Variants in DDX21 observed in about 807,000 individuals in gnomAD.
DDX21 encodes DExD-box helicase 21, also known as nucleolar RNA helicase 2.
DDX21 carries 18 observed loss-of-function variants against 90.0 expected under a neutral mutation model. That is an observed-to-expected ratio of 0.20 (90% CI 0.14 to 0.30). DDX21 has a LOEUF of 0.30. DDX21 is among the 10% of genes least tolerant of loss of function. The pLI is 1.00. For missense variants in DDX21, 673 were observed against 944.5 expected, an observed-to-expected ratio of 0.71 and a Z score of 3.77; for synonymous variants, 294 against 318.0, an observed-to-expected ratio of 0.92 and a Z score of 0.80.
chr10:68,963,140 C>T (rs116022002), intron 3 of DDX21, 151 bp from the exon 4 acceptor site: 8 of 732,412 alleles, frequency 1.1e-5, no homozygotes, highest in Middle Eastern at 3.1e-4. Flanking sequence ...AAAAAATATA[C>T]GTATTTGAGC....
At chr10:68,965,541 G>C in intron 5 of DDX21, 47 bp downstream of exon 5, 1 of 1,350,976 alleles carries the variant, frequency 7.4e-7, no homozygotes, top group Non-Finnish European at 1.1e-6. Context: ...ACCCATTGTT[G>C]ACTGCTCTGA....
intron 7 of DDX21, 147 bp from the exon 8 acceptor site, chr10:68,970,054 G>A: frequency 1.6e-6 from 1 of 641,890 alleles, no homozygotes; most frequent in Non-Finnish European, 2.4e-6. Flanking sequence ...GTCAGTGGTG[G>A]CTGCAGACAG....
chr10:68,977,387 A>G (rs189173131), intron 11 of DDX21, 142 bp from the exon 12 acceptor site: 5 of 674,502 alleles, frequency 7.4e-6, no homozygotes, highest in Non-Finnish European at 1.2e-5. Flanking sequence ...CTATAGAAAT[A>G]TGATTATTAT....
chr10:68,970,785 T>A (rs1843013853), intron 8 of DDX21, among the ~76,000 whole-genome samples: 1 of 152,102 alleles, frequency 6.6e-6, no homozygotes, highest in African/African-American at 2.4e-5. Flanking sequence ...CCCAAGTAGC[T>A]GCGATTACAG....
At chr10:68,962,710 TTA>T (rs1260084682) in intron 3 of DDX21, among the ~76,000 whole-genome samples, 5 of 152,234 alleles carry the variant, frequency 3.3e-5, no homozygotes, top group African/African-American at 1.2e-4. Flanking sequence ...TATTAATGTT[TTA>T]TCTCTTTCAC....
intron 4 of DDX21, among the ~76,000 whole-genome samples, chr10:68,964,578 T>TCA (rs998533165): frequency 2.6e-5 from 4 of 151,558 alleles, no homozygotes; most frequent in African/African-American, 9.7e-5. Flanking sequence ...GCCAGGCTGG[T>TCA]CTGGAACTCC....
chr10:68,971,783 C>A, intron 8 of DDX21, 108 bp from the exon 9 acceptor site: 1 of 1,066,166 alleles, frequency 9.4e-7, no homozygotes, highest in Non-Finnish European at 1.4e-6. Flanking sequence ...ATGTTTTCAA[C>A]AGGCATGTCA....
intron 11 of DDX21, 83 bp downstream of exon 11, chr10:68,974,826 A>C: frequency 8.2e-7 from 1 of 1,225,580 alleles, no homozygotes. Context: ...GATTTGACTT[A>C]AAAAAATTTT....
At chr10:68,962,352 A>G (rs1350892584) in intron 3 of DDX21, among the ~76,000 whole-genome samples, 195 bp downstream of exon 3, 4 of 152,234 alleles carry the variant, frequency 2.6e-5, no homozygotes, top group Non-Finnish European at 1.5e-5. Flanking sequence ...ACAAGTGGTT[A>G]AAGCTTTTTC....
chr10:68,968,401 C>G (rs1042137408), intron 6 of DDX21, among the ~76,000 whole-genome samples: 3 of 152,216 alleles, frequency 2.0e-5, no homozygotes, highest in Non-Finnish European at 2.9e-5. Context: ...GATCCTCCTG[C>G]CTCCACCTCT....
chr10:68,978,962 C>T lies in DDX21; in HGVS notation c.2023C>T (p.Leu675Phe). The change falls in exon 13 of 15, where the codon CTC (leucine) becomes TTC (phenylalanine). Residue 675 changes from leucine (L) to phenylalanine (F), a missense_variant. By Grantham distance (22) the Leu-to-Phe change is conservative (BLOSUM62 0). Transcript: ENST00000354185. Reference protein sequence around the residue: ...IDSKVKGMVFLKGKLGVCFDV... With the variant: ...IDSKVKGMVFFKGKLGVCFDV... ...TTCCAAAGTGAAGGGAATGGTTTTT[C>T]TCAAAGGAAAGCTGGTAAGGCTGGG... is the stretch of plus-strand genomic sequence containing the variant. The T allele has an allele frequency of 6.2e-7, 1 of 1,614,112 alleles. No individual in the cohort carries two copies. Among genetic ancestry groups the T allele is most frequent in the Non-Finnish European group, 8.5e-7 (1 of 1,179,998 alleles).
At chr10:68,969,157 G>A (rs992366189) in intron 7 of DDX21, 36 bp downstream of exon 7, 19 of 1,570,440 alleles carry the variant, frequency 1.2e-5, no homozygotes, top group African/African-American at 2.8e-5. Context: ...ATATAAAATT[G>A]TATATATTTT....
At chr10:68,974,163 ACCTGGGC>A (rs1843062952) in intron 10 of DDX21, among the ~76,000 whole-genome samples, 1 of 152,198 alleles carries the variant, frequency 6.6e-6, no homozygotes, top group Non-Finnish European at 1.5e-5. Context: ...AACAAACACT[ACCTGGGC>A]CAGTTGATCG....
intron 13 of DDX21, among the ~76,000 whole-genome samples, chr10:68,980,108 C>T (rs939448485): frequency 3.9e-5 from 6 of 152,062 alleles, no homozygotes; most frequent in African/African-American, 7.2e-5. Flanking sequence ...AGGATAATGG[C>T]GCATGCCTGT....
chr10:68,976,592 G>A (rs373807192), intron 11 of DDX21, among the ~76,000 whole-genome samples: 1 of 151,928 alleles, frequency 6.6e-6, no homozygotes, highest in Admixed American at 6.6e-5. Flanking sequence ...CAGCCTGGAA[G>A]AGTGTATTTT....
At chr10:68,969,855 A>G (rs1842997169) in intron 7 of DDX21, among the ~76,000 whole-genome samples, 1 of 152,228 alleles carries the variant, frequency 6.6e-6, no homozygotes, top group Non-Finnish European at 1.5e-5. Context: ...ATGAAAAGGC[A>G]AAACATACAG....
Position 68,973,646 on chromosome 10 carries a change from A to C in DDX21, c.1650A>C (p.Val550=). ...FYQHKEEYQL[V]QVEQKAGIKF... Reference sequence around the variant, plus strand: ...AGCACAAGGAAGAATATCAGTTAGTACAAGTGGAGCAAAAAGCGGTAAAAC... The same window carrying C: ...AGCACAAGGAAGAATATCAGTTAGTCCAAGTGGAGCAAAAAGCGGTAAAAC... Residue 550 remains valine, a synonymous_variant, in exon 10 of 15, where the codon GTA becomes GTC. Coordinates refer to ENST00000354185, the MANE Select transcript of DDX21 (RefSeq NM_004728.4). The C allele has an allele frequency of 6.2e-7, 1 of 1,613,948 alleles. No individual in the cohort carries two copies. The highest frequency in any genetic ancestry group is 8.5e-7 in the Non-Finnish European group (1 of 1,179,892).
At chr10:68,957,824 G>A (rs1448722948) in intron 1 of DDX21, among the ~76,000 whole-genome samples, 2 of 152,148 alleles carry the variant, frequency 1.3e-5, no homozygotes, top group Non-Finnish European at 2.9e-5. Flanking sequence ...ATTTCCGGGA[G>A]GCAGAATTCA....
intron 12 of DDX21, 86 bp from the exon 13 acceptor site, chr10:68,978,756 A>C (rs1399777795): frequency 1.3e-6 from 2 of 1,506,826 alleles, no homozygotes; most frequent in African/African-American, 2.8e-5. Flanking sequence ...CTTTTCAAGA[A>C]ATATTTTAGA....
Sources: gnomAD v4.1 joint callset for allele counts (sites outside exome capture counted in the v4.1 genomes callset) on GRCh38, gnomAD v4.1.1 for gene constraint, MANE v1.5 for transcripts, NCBI Gene and HGNC (gene_info 2026-07-23, HGNC 2026-07-21) for gene names.